MYOM1: variants seen among roughly 807,000 people sequenced by gnomAD.
The protein encoded by MYOM1 is myomesin 1.
In MYOM1, 164 loss-of-function variants were observed where a neutral mutation model predicts 205.3. The observed-to-expected ratio is 0.80, with a 90% CI of 0.70 to 0.91. The LOEUF (loss-of-function observed/expected upper bound fraction) is 0.91. Among genes scored for constraint, MYOM1 ranks in the 40% least tolerant of loss-of-function variants. MYOM1 has a pLI of 0.00. For synonymous variants in MYOM1, 772 were observed against 789.4 expected (o/e 0.98, Z 0.37); for missense variants, 2,011 against 2,127.3 (o/e 0.95, Z 1.08).
chr18:3,126,312 A>G (rs2079781540), intron 19 of MYOM1, among the ~76,000 whole-genome samples: 1 of 148,288 alleles, frequency 6.7e-6, no homozygotes, highest in African/African-American at 2.5e-5. Context: ...GTGTCATTAA[A>G]TCCTGGGAAT....
chr18:3,126,068 A>C (rs557749031), intron 19 of MYOM1, among the ~76,000 whole-genome samples: 16 of 152,244 alleles, frequency 1.1e-4, no homozygotes, highest in Non-Finnish European at 2.2e-4. Flanking sequence ...CAGGAGTTTG[A>C]GACCAGCCTG....
upstream of MYOM1, among the ~76,000 whole-genome samples, chr18:3,224,663 T>TTAC (rs2081345205): frequency 6.6e-6 from 1 of 151,960 alleles, no homozygotes; most frequent in Non-Finnish European, 1.5e-5. Flanking sequence ...GGAATTATCA[T>TTAC]TATTATTATT....
intron 37 of MYOM1, among the ~76,000 whole-genome samples, chr18:3,068,023 A>G (rs1465581954): frequency 6.6e-6 from 1 of 151,928 alleles, no homozygotes; most frequent in Non-Finnish European, 1.5e-5. Context: ...AATGTTACTG[A>G]TTTTCAAATT....
Position 3,115,179 on chromosome 18 carries a change from AAAC to A in MYOM1, c.3303+1149_3303+1151del, listed in dbSNP as rs1309728124. Among the ~76,000 whole-genome samples the A allele has an allele frequency of 3.9e-5, 6 of 152,292 alleles. No homozygotes were observed. In the South Asian group the frequency reaches 6.2e-4, roughly 16 times the overall value. ...GGACCTCTGGACTCATCTTGACAGCAAACAACATCATAGGCTTCAGTCCTTCCT... is the reference window on the plus strand; with the variant it reads ...GGACCTCTGGACTCATCTTGACAGCAAACATCATAGGCTTCAGTCCTTCCT... On this transcript the variant is annotated intron_variant, in intron 21 of 37. Coordinates refer to ENST00000356443, the MANE Select transcript of MYOM1 (RefSeq NM_003803.4).
At chr18:3,087,488 C>CTTT (rs5822735) in intron 29 of MYOM1, among the ~76,000 whole-genome samples, 3 of 122,704 alleles carry the variant, frequency 2.4e-5, no homozygotes, top group African/African-American at 9.2e-5. Context: ...CTCCTACGTT[C>CTTT]TTTTTTTTTT....
intron 18 of MYOM1, among the ~76,000 whole-genome samples, chr18:3,127,305 A>ATATATATATATATATTTT (rs56880961): frequency 4.2e-5 from 2 of 47,580 alleles, no homozygotes; most frequent in Non-Finnish European, 7.3e-5. Context: ...ATATATATAT[A>ATATATATATATATATTTT]TTTTTTTTTT....
chr18:3,124,362 G>T (rs1241427823), intron 19 of MYOM1, among the ~76,000 whole-genome samples: 1 of 146,050 alleles, frequency 6.8e-6, no homozygotes, highest in Non-Finnish European at 1.5e-5. Flanking sequence ...GTGCAGTGGC[G>T]TGCGATCTTG....
intron 10 of MYOM1, among the ~76,000 whole-genome samples, chr18:3,160,842 G>A (rs72860257): frequency 0.2 from 30,829 of 151,916 alleles, 3,348 homozygotes; most frequent in East Asian, 0.28. Context: ...GAACACCTTC[G>A]CCCCATCCAT....
chr18:3,075,666 T>C (rs752938176), intron 35 of MYOM1, 59 bp downstream of exon 35: 9 of 1,562,658 alleles, frequency 5.8e-6, no homozygotes, highest in Non-Finnish European at 7.0e-6. Context: ...GCGAGCAGCA[T>C]GCAAGCTTCC....
chr18:3,188,609 A>C, intron 4 of MYOM1, 139 bp downstream of exon 4: 1 of 946,800 alleles, frequency 1.1e-6, no homozygotes, highest in South Asian at 2.4e-5. Flanking sequence ...AACCTGGGGG[A>C]CAGAGTGAGA....
intron 17 of MYOM1, 37 bp downstream of exon 17, chr18:3,131,338 C>T: frequency 6.2e-7 from 1 of 1,605,480 alleles, no homozygotes; most frequent in Non-Finnish European, 8.5e-7. Context: ...TAGAAAAATC[C>T]ATTTTTCCCC....
the MYOM1 span, among the ~76,000 whole-genome samples, chr18:3,242,665 C>T: frequency 1.4e-4 from 22 of 152,172 alleles, no homozygotes; most frequent in East Asian, 3.9e-4. Context: ...CGCACCACCA[C>T]GCCCAGTTAA....
At chr18:3,198,511 C>T (rs1411864012) in intron 2 of MYOM1, among the ~76,000 whole-genome samples, 3 of 152,172 alleles carry the variant, frequency 2.0e-5, no homozygotes, top group African/African-American at 7.2e-5. Flanking sequence ...TATGGCCAGG[C>T]GCAGTGGCTT....
At chr18:3,206,998 T>A (rs2081131569) in intron 2 of MYOM1, among the ~76,000 whole-genome samples, 1 of 107,994 alleles carries the variant, frequency 9.3e-6, no homozygotes, top group Non-Finnish European at 2.2e-5. Context: ...TCACTTTCAG[T>A]TTTTTTTAAA....
intron 5 of MYOM1, among the ~76,000 whole-genome samples, chr18:3,178,607 A>G (rs895815921): frequency 6.6e-5 from 10 of 152,144 alleles, no homozygotes; most frequent in Non-Finnish European, 1.2e-4. Context: ...AAAGCACGTT[A>G]TTCATTTTCT....
At chr18:3,156,608 CTTT>C (rs879296741) in intron 10 of MYOM1, among the ~76,000 whole-genome samples, 8 of 140,834 alleles carry the variant, frequency 5.7e-5, no homozygotes, top group Non-Finnish European at 7.8e-5. Flanking sequence ...ACACTTCTTT[CTTT>C]TTTTTTTTTT....
At chr18:3,174,303 T>C in intron 6 of MYOM1, 95 bp from the exon 7 acceptor site, 1 of 998,224 alleles carries the variant, frequency 1.0e-6, no homozygotes, top group Non-Finnish European at 1.5e-6. Context: ...CACAGCCCCC[T>C]GCAAATCAGT....
intron 2 of MYOM1, among the ~76,000 whole-genome samples, chr18:3,214,514 C>A (rs931094415): frequency 6.6e-5 from 10 of 152,190 alleles, no homozygotes; most frequent in Non-Finnish European, 1.2e-4. Flanking sequence ...AAATGCAGGG[C>A]TGCCGTATTT....
the MYOM1 span, among the ~76,000 whole-genome samples, chr18:3,243,522 T>G: frequency 6.6e-6 from 1 of 152,166 alleles, no homozygotes; most frequent in Non-Finnish European, 1.5e-5. Context: ...AATATGGGCT[T>G]CGGGCTGGGC....
Sources: allele counts gnomAD v4.1 joint callset (sites outside exome capture counted in the v4.1 genomes callset), GRCh38; gene constraint gnomAD v4.1.1; transcripts MANE v1.5; gene names NCBI Gene and HGNC (gene_info 2026-07-23, HGNC 2026-07-21).